The following SLC14A2 variants were observed in gnomAD, a reference collection of about 807,000 sequenced individuals.
The protein encoded by SLC14A2 is urea transporter 2.
A neutral mutation model predicts 104.6 loss-of-function variants in SLC14A2; 91 were observed. The ratio of observed to expected loss-of-function variants is 0.87; its 90% CI spans 0.73 to 1.04. The LOEUF (loss-of-function observed/expected upper bound fraction) is 1.04. Ranked by LOEUF, SLC14A2 falls within the 50% of genes least tolerant of loss-of-function variation. The pLI, the probability that SLC14A2 is intolerant of heterozygous loss-of-function variation, is 0.00. For synonymous variants in SLC14A2, 476 were observed against 466.4 expected (o/e 1.02, Z -0.27); for missense variants, 1,189 against 1,156.0 (o/e 1.03, Z -0.41).
At chr18:45,605,099 G>T (rs1378861028) in intron 2 of SLC14A2, among the ~76,000 whole-genome samples, 2 of 152,016 alleles carry the variant, frequency 1.3e-5, no homozygotes, top group Admixed American at 6.6e-5. Flanking sequence ...ACTAATCAAG[G>T]CAGTCTGGCT....
At chr18:45,315,092 A>G (rs1248070624) in intron 1 of SLC14A2, among the ~76,000 whole-genome samples, 1 of 152,170 alleles carries the variant, frequency 6.6e-6, no homozygotes, top group Non-Finnish European at 1.5e-5. Context: ...AGGCACTTCA[A>G]TGGCTCCCTG....
At chr18:45,545,992 T>G (rs2043962979) in intron 2 of SLC14A2, among the ~76,000 whole-genome samples, 1 of 152,220 alleles carries the variant, frequency 6.6e-6, no homozygotes, top group Non-Finnish European at 1.5e-5. Flanking sequence ...TTCCTAGAAA[T>G]GCTATAAAAC....
chr18:45,607,439 G>A (rs2144434353), intron 2 of SLC14A2, among the ~76,000 whole-genome samples: 1 of 152,220 alleles, frequency 6.6e-6, no homozygotes, highest in East Asian at 1.9e-4. Context: ...AGATAACATA[G>A]GTACCAGTAC....
intron 1 of SLC14A2, among the ~76,000 whole-genome samples, chr18:45,229,765 TC>T (rs1328393942): frequency 6.6e-6 from 1 of 152,198 alleles, no homozygotes; most frequent in Non-Finnish European, 1.5e-5. Flanking sequence ...TTACTCAAAA[TC>T]CTGCTTACCA....
intron 1 of SLC14A2, among the ~76,000 whole-genome samples, chr18:45,261,282 C>T (rs12454770): frequency 0.16 from 23,638 of 148,306 alleles, 1,963 homozygotes; most frequent in Non-Finnish European, 0.19. Context: ...TTTGTCCTTG[C>T]GATAGTTTGC....
At chr18:45,495,115 A>ACT (rs759108097) in intron 2 of SLC14A2, among the ~76,000 whole-genome samples, 1 of 151,210 alleles carries the variant, frequency 6.6e-6, no homozygotes, top group Non-Finnish European at 1.5e-5. Context: ...ATCCTGTCTG[A>ACT]CTCTCTCTCT....
At chr18:45,511,921 T>C (rs2043371261) in intron 2 of SLC14A2, among the ~76,000 whole-genome samples, 1 of 152,122 alleles carries the variant, frequency 6.6e-6, no homozygotes, top group Non-Finnish European at 1.5e-5. Flanking sequence ...CAAGAAAATA[T>C]TCAGAGGAGG....
At chr18:45,426,698 TACAC>T (rs34456057) in intron 1 of SLC14A2, among the ~76,000 whole-genome samples, 2,123 of 140,758 alleles carry the variant, frequency 0.015, 11 homozygotes, top group Non-Finnish European at 0.018. Flanking sequence ...TATACATACA[TACAC>T]ACACACACAC....
chr18:45,414,027 A>G (rs936567237), intron 1 of SLC14A2, among the ~76,000 whole-genome samples: 1 of 152,252 alleles, frequency 6.6e-6, no homozygotes, highest in African/African-American at 2.4e-5. Context: ...AAAGTATTCA[A>G]TTAAAGAAAG....
intron 2 of SLC14A2, among the ~76,000 whole-genome samples, chr18:45,510,868 A>G (rs2043356979): frequency 6.6e-6 from 1 of 152,220 alleles, no homozygotes; most frequent in South Asian, 2.1e-4. Context: ...CCACCAGCCA[A>G]TGCTCAGAGC....
At chr18:45,538,869 T>TTTGG (rs2043840308) in intron 2 of SLC14A2, among the ~76,000 whole-genome samples, 1 of 150,652 alleles carries the variant, frequency 6.6e-6, no homozygotes, top group South Asian at 2.1e-4. Context: ...TTTTTTTTTT[T>TTTGG]TTGCTTGCTT....
At chr18:45,311,597 A>G (rs1023008519) in intron 1 of SLC14A2, among the ~76,000 whole-genome samples, 1 of 152,314 alleles carries the variant, frequency 6.6e-6, no homozygotes, top group Non-Finnish European at 1.5e-5. Flanking sequence ...AAAATATTCA[A>G]ATGCCTGGCC....
chr18:45,186,346 A>G, the SLC14A2 span, among the ~76,000 whole-genome samples: 18,050 of 152,306 alleles, frequency 0.12, 1,406 homozygotes, highest in Middle Eastern at 0.21. Context: ...GCAAAAGCAA[A>G]CTAAATGGGA....
intron 1 of SLC14A2, among the ~76,000 whole-genome samples, chr18:45,227,142 T>C (rs2084127065): frequency 2.6e-5 from 4 of 152,138 alleles, no homozygotes. Flanking sequence ...GACTTCTATG[T>C]GATATTGGTG....
chr18:45,538,522 T>C (rs1178484308), intron 2 of SLC14A2, among the ~76,000 whole-genome samples: 1 of 152,254 alleles, frequency 6.6e-6, no homozygotes, highest in Non-Finnish European at 1.5e-5. Context: ...GACTGGCTGC[T>C]GGCCCCAGGC....
chr18:45,187,227 A>G, the SLC14A2 span, among the ~76,000 whole-genome samples: 3 of 152,134 alleles, frequency 2.0e-5, no homozygotes, highest in Non-Finnish European at 2.9e-5. Flanking sequence ...ATCAGGGAGA[A>G]CCACAGGAGA....
chr18:45,636,173 C>T (rs1472046478), intron 5 of SLC14A2, among the ~76,000 whole-genome samples: 1 of 152,110 alleles, frequency 6.6e-6, no homozygotes, highest in East Asian at 1.9e-4. Flanking sequence ...GTCTTAAACG[C>T]CTTTTTGAAA....
chr18:45,541,239 CT>C (rs1471573992), intron 2 of SLC14A2, among the ~76,000 whole-genome samples: 2 of 152,220 alleles, frequency 1.3e-5, no homozygotes, highest in African/African-American at 2.4e-5. Flanking sequence ...ACGTGTGCCC[CT>C]GTGCCCATAT....
At chr18:45,366,948 A>G (rs1042963420) in intron 1 of SLC14A2, among the ~76,000 whole-genome samples, 15 of 152,242 alleles carry the variant, frequency 9.9e-5, no homozygotes, top group Non-Finnish European at 1.5e-4. Flanking sequence ...ACTTACTGGT[A>G]TCCTTTCAAT....
Sources: gnomAD v4.1 joint callset for allele counts (sites outside exome capture counted in the v4.1 genomes callset) on GRCh38, gnomAD v4.1.1 for gene constraint, MANE v1.5 for transcripts, NCBI Gene and HGNC (gene_info 2026-07-23, HGNC 2026-07-21) for gene names.